TMTC3: variants seen among roughly 807,000 people sequenced by gnomAD.
TMTC3 encodes the protein protein O-mannosyl-transferase TMTC3.
In TMTC3, 52 loss-of-function variants were observed where a neutral mutation model predicts 92.2. The observed-to-expected ratio is 0.56, with a 90% confidence interval of 0.45 to 0.71. The LOEUF (loss-of-function observed/expected upper bound fraction) is 0.71. TMTC3 is among the 30% of genes least tolerant of loss of function. TMTC3 has a pLI of 0.00. For missense variants in TMTC3, 896 were observed against 1,057.1 expected (o/e 0.85, Z 2.11); for synonymous variants, 339 against 363.3 (o/e 0.93, Z 0.76).
At chr12:88,152,345 A>G (rs2040953176) in intron 2 of TMTC3, among the ~76,000 whole-genome samples, 1 of 152,020 alleles carries the variant, frequency 6.6e-6, no homozygotes, top group Non-Finnish European at 1.5e-5. Flanking sequence ...CAGCTTTCAC[A>G]TGAACTCATT....
Position 88,153,522 on chromosome 12 carries a change from A to G in TMTC3, c.408+13A>G, listed in dbSNP as rs2040968995. ...ACACACAGAAGCAGTAAGTAAAACT[A>G]TGAACTGACTTTTTTTCTTTTTCCT... On this transcript the variant is annotated intron_variant, in intron 3 of 13. Coordinates refer to ENST00000266712, the MANE Select transcript of TMTC3 (RefSeq NM_181783.4). The G allele has an allele frequency of 6.7e-7, 1 of 1,501,756 alleles. No individual in the cohort carries two copies. Among genetic ancestry groups the G allele is most frequent in the Non-Finnish European group, 9.2e-7 (1 of 1,092,032 alleles). 93.0% of individuals were successfully genotyped at this position (1,501,756 alleles called of 1,614,324 possible).
intron 12 of TMTC3, among the ~76,000 whole-genome samples, chr12:88,191,354 T>G (rs2041440422): frequency 2.0e-5 from 3 of 152,176 alleles, no homozygotes; most frequent in Non-Finnish European, 4.4e-5. Flanking sequence ...AAAGAACTAT[T>G]CAACAATCTC....
Position 88,172,756 on chromosome 12 carries a change from A to G in TMTC3, c.1199+11A>G. 6.3e-7 allele frequency: 1 copy of G among 1,587,340 alleles called. No individual in the cohort carries two copies. On this transcript the variant is annotated intron_variant, in intron 8 of 13. Coordinates refer to ENST00000266712, the MANE Select transcript of TMTC3 (RefSeq NM_181783.4). ...AATATCAACAAAAAGGTGAATTTAA[A>G]TGTCAGTTCATGTAATGCTTACTAT...
intron 4 of TMTC3, among the ~76,000 whole-genome samples, chr12:88,156,047 T>G (rs555226544): frequency 1.3e-5 from 2 of 152,054 alleles, no homozygotes; most frequent in South Asian, 2.1e-4. Flanking sequence ...GAGGCGGAGG[T>G]AGCAGTGAGT....
At chr12:88,182,315 C>G (rs985144031) in intron 10 of TMTC3, among the ~76,000 whole-genome samples, 1 of 152,184 alleles carries the variant, frequency 6.6e-6, no homozygotes, top group Non-Finnish European at 1.5e-5. Flanking sequence ...CTCTGAGAAA[C>G]AGCTTGCTCT....
intron 6 of TMTC3, among the ~76,000 whole-genome samples, chr12:88,164,670 A>G (rs2041122779): frequency 6.6e-6 from 1 of 152,162 alleles, no homozygotes; most frequent in African/African-American, 2.4e-5. Flanking sequence ...AATTTATACT[A>G]TTTCCCTGTT....
intron 12 of TMTC3, among the ~76,000 whole-genome samples, chr12:88,192,028 C>CTT (rs112229647): frequency 8.1e-5 from 10 of 123,034 alleles, no homozygotes; most frequent in African/African-American, 3.0e-4. Flanking sequence ...TTTTTTTTTT[C>CTT]TTTTTTTTTT....
chr12:88,171,440 G>A lies in TMTC3; in HGVS notation c.1051-1157G>A, dbSNP rs77839676. Among the ~76,000 whole-genome samples the A allele has an allele frequency of 2.7e-3, 412 of 152,144 alleles. 5 individuals are homozygous for A. The highest frequency in any genetic ancestry group is 0.024 in the East Asian group (122 of 5,168). ...CAACTTTTACAAATTCTACATACAA[G>A]TGAGATCATGCGTTGTTTGTCTTTC... On this transcript the variant is annotated intron_variant, in intron 7 of 13. Coordinates refer to ENST00000266712, the MANE Select transcript of TMTC3 (RefSeq NM_181783.4).
intron 2 of TMTC3, among the ~76,000 whole-genome samples, chr12:88,150,736 A>G (rs1459182741): frequency 3.3e-5 from 5 of 152,178 alleles, no homozygotes; most frequent in African/African-American, 9.7e-5. Flanking sequence ...GCCTGGAATT[A>G]GCATATTCAA....
In TMTC3 at chr12:88,196,750, A is replaced by G. The variant is rs1430887777; in HGVS notation, c.*1101A>G. The G allele has an allele frequency of 6.6e-6, 1 of 151,890 alleles. No individual in the cohort carries two copies. Among genetic ancestry groups the G allele is most frequent in the African/African-American group, 2.4e-5 (1 of 41,430 alleles). 9.4% of individuals were successfully genotyped at this position (151,890 alleles called of 1,614,324 possible). A position where few individuals can be genotyped will look rare whatever the true frequency, so the allele number is the denominator to read the frequency against. The stretch of plus-strand genomic sequence containing the variant: ...TAAAATATTTGAAGCTATTTTAATC[A>G]TCAAGTATGGAAAACAAATTACTAT... On this transcript the variant is annotated 3_prime_UTR_variant, in exon 14 of 14. Transcript: ENST00000266712.
At chr12:88,158,489 GA>G (rs1379988422) in intron 4 of TMTC3, among the ~76,000 whole-genome samples, 2 of 151,434 alleles carry the variant, frequency 1.3e-5, no homozygotes, top group Non-Finnish European at 2.9e-5. Flanking sequence ...GAGATTATAA[GA>G]TTTTTTTTTT....
At position 88,199,491 on chromosome 12, in the gene TMTC3, T is replaced by G. The variant is rs1223775185; in HGVS notation, c.*3842T>G. On this transcript the variant is annotated 3_prime_UTR_variant, in exon 14 of 14. Transcript: ENST00000266712. Reference sequence around the variant, plus strand: ...CTTAAAGTCTTGGATTTGATGCATATGACTTAATTTGTATTTGTGCTAGTA... The same window carrying G: ...CTTAAAGTCTTGGATTTGATGCATAGGACTTAATTTGTATTTGTGCTAGTA... The G allele has an allele frequency of 6.6e-6, 1 of 152,144 alleles. No homozygotes were observed. Among genetic ancestry groups the G allele is most frequent in the Non-Finnish European group, 1.5e-5 (1 of 68,004 alleles). The allele number at this position is 152,144 out of a possible 1,614,324, so 9.4% of individuals were successfully genotyped here. A position where few individuals can be genotyped will look rare whatever the true frequency, so the allele number is the denominator to read the frequency against.
chr12:88,153,349 T>G lies in TMTC3; in HGVS notation c.248T>G (p.Leu83Trp), dbSNP rs776923996. The G allele has an allele frequency of 1.2e-6, 2 of 1,613,448 alleles. No individual in the cohort carries two copies. The highest frequency in any genetic ancestry group is 1.7e-6 in the Non-Finnish European group (2 of 1,179,762). Residue 83 changes from leucine to tryptophan, a missense_variant, in exon 3 of 14, where the codon TTG (leucine) becomes TGG (tryptophan). Leu to Trp is a moderately conservative substitution (Grantham distance 61). Coordinates refer to ENST00000266712, the MANE Select transcript of TMTC3 (RefSeq NM_181783.4). ...LTVLTFRLNY[L>W]LSELKPMSYH... ...GTATTGACATTTCGCTTAAATTATT[T>G]GTTAAGTGAACTAAAACCAATGTCA...
chr12:88,143,230 A>G (rs2040793355), intron 1 of TMTC3, among the ~76,000 whole-genome samples: 1 of 152,110 alleles, frequency 6.6e-6, no homozygotes, highest in Admixed American at 6.5e-5. Flanking sequence ...TTTCGAAAAT[A>G]AGTAATGAGT....
intron 7 of TMTC3, among the ~76,000 whole-genome samples, chr12:88,168,723 C>T (rs2041173589): frequency 6.6e-6 from 1 of 152,158 alleles, no homozygotes; most frequent in African/African-American, 2.4e-5. Flanking sequence ...AAATCTTTTC[C>T]TAAGATCATG....
chr12:88,179,124 A>G (rs2041289847), intron 10 of TMTC3, among the ~76,000 whole-genome samples: 1 of 152,244 alleles, frequency 6.6e-6, no homozygotes, highest in East Asian at 1.9e-4. Flanking sequence ...AAACAAGTAA[A>G]CCAGTTTATT....
At chr12:88,169,602 A>G (rs557747202) in intron 7 of TMTC3, among the ~76,000 whole-genome samples, 16 of 152,274 alleles carry the variant, frequency 1.1e-4, no homozygotes, top group Non-Finnish European at 2.1e-4. Context: ...TGTCATATAT[A>G]TGTCAACAGC....
chr12:88,162,066 C>A (rs1453613652), intron 6 of TMTC3, among the ~76,000 whole-genome samples: 1 of 152,124 alleles, frequency 6.6e-6, no homozygotes, highest in East Asian at 1.9e-4. Context: ...TTCTTTAGCA[C>A]TTCTGATTAA....
At chr12:88,159,045 T>A (rs1592728367) in intron 4 of TMTC3, among the ~76,000 whole-genome samples, 1 of 127,054 alleles carries the variant, frequency 7.9e-6, no homozygotes, top group Admixed American at 8.7e-5. Flanking sequence ...AGAGCGAAAC[T>A]CTGTCTCAAA....
Sources: gnomAD v4.1 joint callset for allele counts (sites outside exome capture counted in the v4.1 genomes callset) on GRCh38, gnomAD v4.1.1 for gene constraint, MANE v1.5 for transcripts, NCBI Gene and HGNC (gene_info 2026-07-23, HGNC 2026-07-21) for gene names.